TMX3: variants seen among roughly 807,000 people sequenced by gnomAD.
TMX3 encodes thioredoxin related transmembrane protein 3.
In TMX3, 40 loss-of-function variants were observed where a neutral mutation model predicts 64.4. That is an observed-to-expected ratio of 0.62 (90% confidence interval 0.48 to 0.81). The LOEUF is 0.81. Ranked by LOEUF, TMX3 falls within the 30% of genes least tolerant of loss-of-function variation. TMX3 has a pLI of 0.00. For missense variants in TMX3, 497 were observed against 534.5 expected, an observed-to-expected ratio of 0.93 and a Z score of 0.69; for synonymous variants, 189 against 175.7, an observed-to-expected ratio of 1.08 and a Z score of -0.60.
At chr18:68,705,460 C>T (rs1034749313) in intron 4 of TMX3, among the ~76,000 whole-genome samples, 2 of 152,128 alleles carry the variant, frequency 1.3e-5, no homozygotes, top group Non-Finnish European at 2.9e-5. Flanking sequence ...CTACAATCTA[C>T]GAACAAGATG....
intron 4 of TMX3, among the ~76,000 whole-genome samples, chr18:68,706,743 G>A (rs1417382575): frequency 6.6e-6 from 1 of 152,138 alleles, no homozygotes; most frequent in Non-Finnish European, 1.5e-5. Context: ...TTTTTTACCT[G>A]TTTGATTCCA....
At chr18:68,677,917 T>C (rs923940252) in intron 15 of TMX3, among the ~76,000 whole-genome samples, 1 of 152,120 alleles carries the variant, frequency 6.6e-6, no homozygotes, top group Non-Finnish European at 1.5e-5. Flanking sequence ...ATGGGACAAG[T>C]GAGCACCAGG....
chr18:68,680,149 T>C (rs1913280300), intron 14 of TMX3, among the ~76,000 whole-genome samples: 1 of 152,198 alleles, frequency 6.6e-6, no homozygotes, highest in Admixed American at 6.5e-5. Context: ...TATTTGACTG[T>C]TTTTCAAACT....
At position 68,715,063 on chromosome 18, in the gene TMX3, G is replaced by A. The variant is rs759297596; in HGVS notation, c.-82C>T. On this transcript the variant is annotated 5_prime_UTR_variant, in exon 1 of 16. Coordinates refer to ENST00000299608, the MANE Select transcript of TMX3 (RefSeq NM_019022.5). ...GGTCCGCCGCCTGCCCGCCCGGAAA[G>A]GGAAACGGAGCCGACCCGGAGCGGA... 2.5e-5 allele frequency: 39 copies of A among 1,546,244 alleles called. No individual in the cohort carries two copies. The Middle Eastern group carries it at 1.0e-3, about 40-fold the overall frequency.
chr18:68,689,096 C>T (rs1208379191), intron 9 of TMX3: 3 of 152,094 alleles, frequency 2.0e-5, no homozygotes, highest in Admixed American at 2.0e-4. Context: ...CTCCCAAGTC[C>T]CTATTCCAAT....
At chr18:68,680,091 T>C (rs1417481974) in intron 14 of TMX3, among the ~76,000 whole-genome samples, 1 of 152,218 alleles carries the variant, frequency 6.6e-6, no homozygotes, top group Non-Finnish European at 1.5e-5. Flanking sequence ...ATTATTTATA[T>C]AGGTGAGAGT....
At chr18:68,695,649 C>T (rs1457834596) in intron 8 of TMX3, among the ~76,000 whole-genome samples, 6 of 152,186 alleles carry the variant, frequency 3.9e-5, no homozygotes, top group Admixed American at 3.9e-4. Context: ...TCAGCAAGCT[C>T]TGACAATTCT....
At chr18:68,696,464 G>C (rs969675884) in intron 8 of TMX3, among the ~76,000 whole-genome samples, 1 of 151,274 alleles carries the variant, frequency 6.6e-6, no homozygotes, top group Middle Eastern at 3.6e-3. Flanking sequence ...AAGCCACTGG[G>C]CCCGGCCTTA....
At position 68,677,073 on chromosome 18, in the gene TMX3, GTTC is replaced by G. The variant is rs1912995857; in HGVS notation, c.1222_1224del (p.Glu408del). 2 of 1,613,460 alleles carry G rather than the reference GTTC, an allele frequency of 1.2e-6. No homozygotes were observed. The highest frequency in any genetic ancestry group is 1.7e-6 in the Non-Finnish European group (2 of 1,179,758). ...TTTTCACTTTTAGACACTTCATATC[GTTC>G]TTCTATATAACCTCCATCTGTGTCG... is the stretch of plus-strand genomic sequence containing the variant. On this transcript the variant is annotated inframe_deletion, in exon 16 of 16. Coordinates refer to ENST00000299608, the MANE Select transcript of TMX3 (RefSeq NM_019022.5).
At chr18:68,697,331 C>A (rs374648641) in intron 7 of TMX3, 28 bp from the exon 8 acceptor site, 1 of 1,406,940 alleles carries the variant, frequency 7.1e-7, no homozygotes, top group South Asian at 1.4e-5. Context: ...GAAAAAAGAT[C>A]ATTGAAAAAT....
At position 68,677,157 on chromosome 18, in the gene TMX3, G is replaced by T. The variant is rs868505578; in HGVS notation, c.1141C>A (p.Leu381Ile). The stretch of plus-strand genomic sequence containing the variant: ...ATGACACCCAGTGGCAGGCCAAAGA[G>T]AAAGCAGCCCATCAGTGGTGAGCTC... ...FKSSPLMGCF[L>I]FGLPLGVISI... Residue 381 changes from leucine (L) to isoleucine (I), a missense_variant, in exon 16 of 16, where the codon CTC becomes ATC. Physicochemically the swap from Leu to Ile is conservative, Grantham distance 5. This residue lies in a region of TMX3 where 43 missense variants were observed against 75.3 expected (regional missense o/e 0.57). Transcript: ENST00000299608. 2 of 1,613,588 alleles carry T rather than the reference G, an allele frequency of 1.2e-6. No individual in the cohort carries two copies. Among genetic ancestry groups the T allele is most frequent in the Non-Finnish European group, 8.5e-7 (1 of 1,179,704 alleles).
chr18:68,680,787 C>T (rs573083989), intron 14 of TMX3, among the ~76,000 whole-genome samples, 194 bp downstream of exon 14: 4 of 152,176 alleles, frequency 2.6e-5, no homozygotes, highest in African/African-American at 2.4e-5. Context: ...ACCTCTGCCA[C>T]AGAAGAACCT....
At chr18:68,690,863 T>C (rs768104079) in intron 9 of TMX3, among the ~76,000 whole-genome samples, 20 of 152,312 alleles carry the variant, frequency 1.3e-4, no homozygotes, top group Middle Eastern at 3.4e-3. Flanking sequence ...AAATGCTGAA[T>C]AGCAGGTAAG....
chr18:68,689,304 A>G (rs1914274332), intron 9 of TMX3, among the ~76,000 whole-genome samples: 1 of 152,194 alleles, frequency 6.6e-6, no homozygotes, highest in East Asian at 1.9e-4. Context: ...ACACTGAGCT[A>G]TAACAGGGGG....
intron 8 of TMX3, among the ~76,000 whole-genome samples, chr18:68,693,902 A>G (rs1464451259): frequency 6.6e-6 from 1 of 152,082 alleles, no homozygotes; most frequent in Non-Finnish European, 1.5e-5. Flanking sequence ...GTGGCCACCC[A>G]TGGACCATTC....
intron 4 of TMX3, among the ~76,000 whole-genome samples, chr18:68,706,605 A>T (rs1486380423): frequency 6.6e-6 from 1 of 152,174 alleles, no homozygotes; most frequent in Non-Finnish European, 1.5e-5. Flanking sequence ...ATGCTGAGGA[A>T]CAGTGATACC....
intron 4 of TMX3, among the ~76,000 whole-genome samples, chr18:68,705,185 A>G (rs939024267): frequency 6.6e-6 from 1 of 152,134 alleles, no homozygotes; most frequent in African/African-American, 2.4e-5. Context: ...GGAAGCTCCT[A>G]AACATCCCAC....
chr18:68,699,603 A>G (rs996428861), intron 6 of TMX3, among the ~76,000 whole-genome samples: 5 of 152,192 alleles, frequency 3.3e-5, no homozygotes, highest in Admixed American at 3.3e-4. Context: ...AAGCTATTTA[A>G]AGCTATCAGT....
intron 2 of TMX3, among the ~76,000 whole-genome samples, chr18:68,712,702 C>T (rs866715157): frequency 1.3e-5 from 2 of 152,056 alleles, no homozygotes; most frequent in African/African-American, 4.8e-5. Flanking sequence ...GTGACACACC[C>T]CACAAGGCAC....
Sources: allele counts gnomAD v4.1 joint callset (sites outside exome capture counted in the v4.1 genomes callset), GRCh38; gene constraint gnomAD v4.1.1; regional missense constraint gnomAD v4.1.1; transcripts MANE v1.5; gene names NCBI Gene and HGNC (gene_info 2026-07-23, HGNC 2026-07-21).